The following BRD7 variants were observed in gnomAD, a reference collection of about 807,000 sequenced individuals.
BRD7 encodes bromodomain containing 7.
BRD7 carries 15 observed loss-of-function variants against 82.1 expected under a neutral mutation model. That is an observed-to-expected ratio of 0.18 (90% CI 0.12 to 0.28). BRD7 has a LOEUF of 0.28. Among genes scored for constraint, BRD7 ranks in the 10% least tolerant of loss-of-function variants. BRD7 has a pLI of 1.00. For synonymous variants in BRD7, 232 were observed against 266.9 expected (o/e 0.87, Z 1.27); for missense variants, 638 against 779.9 (o/e 0.82, Z 2.17).
intron 11 of BRD7, among the ~76,000 whole-genome samples, chr16:50,325,146 G>A (rs1243162871): frequency 6.6e-6 from 1 of 152,196 alleles, no homozygotes; most frequent in Non-Finnish European, 1.5e-5. Flanking sequence ...GTCCCATCCT[G>A]AGCCAGAATC....
At chr16:50,368,624 TG>T in intron 1 of BRD7, 101 bp downstream of exon 1, 1 of 1,030,114 alleles carries the variant, frequency 9.7e-7, no homozygotes, top group Non-Finnish European at 1.3e-6. Flanking sequence ...GGGCCTGCCG[TG>T]GGAAGGAAGG....
At position 50,323,569 on chromosome 16, in the gene BRD7, C is replaced by A; in HGVS notation, c.1443+18G>T. ...AGTCGATAATAAATTACCCTGTTTT[C>A]ATTAGCAGTGTTCTTACCATCTCCA... is the stretch of plus-strand genomic sequence containing the variant. On this transcript the variant is annotated intron_variant, in intron 12 of 16. Transcript: ENST00000394688. 6.6e-7 allele frequency: 1 copy of A among 1,519,410 alleles called. No individual in the cohort carries two copies. Among genetic ancestry groups the A allele is most frequent in the South Asian group, 1.1e-5 (1 of 89,046 alleles). The allele number at this position is 1,519,410 out of a possible 1,614,324, so 94.1% of individuals were successfully genotyped here.
At chr16:50,324,395 A>G (rs2037247593) in intron 11 of BRD7, among the ~76,000 whole-genome samples, 2 of 152,038 alleles carry the variant, frequency 1.3e-5, no homozygotes, top group African/African-American at 4.8e-5. Context: ...TGATCCTTTA[A>G]ACATCATAAT....
chr16:50,319,075 T>G lies in BRD7; in HGVS notation c.*136A>C. 1 of 854,224 alleles carries G rather than the reference T, an allele frequency of 1.2e-6. No homozygotes were observed. The highest frequency in any genetic ancestry group is 1.8e-6 in the Non-Finnish European group (1 of 553,658). 52.9% of individuals were successfully genotyped at this position (854,224 alleles called of 1,614,324 possible). A position where few individuals can be genotyped will look rare whatever the true frequency, so the allele number is the denominator to read the frequency against. On this transcript the variant is annotated 3_prime_UTR_variant, in exon 17 of 17. Transcript: ENST00000394688. ...TTTATTACCTAATACAAGTCCAACCTCTGGAACATCCAAATTCGCTGTTCC... is the reference window on the plus strand; with the variant it reads ...TTTATTACCTAATACAAGTCCAACCGCTGGAACATCCAAATTCGCTGTTCC...
chr16:50,342,139 T>C (rs1463838482), intron 5 of BRD7, among the ~76,000 whole-genome samples: 2 of 152,078 alleles, frequency 1.3e-5, no homozygotes, highest in East Asian at 3.9e-4. Context: ...TCTACTCTTC[T>C]TACTGTAAGA....
chr16:50,351,737 G>C (rs1325858768), intron 4 of BRD7, among the ~76,000 whole-genome samples: 1 of 152,052 alleles, frequency 6.6e-6, no homozygotes, highest in Non-Finnish European at 1.5e-5. Flanking sequence ...GTTTCTAATT[G>C]ACATATAATA....
Position 50,318,050 on chromosome 16 carries a change from T to G in BRD7, c.*1161A>C, listed in dbSNP as rs2036895669. On this transcript the variant is annotated 3_prime_UTR_variant, in exon 17 of 17. Coordinates refer to ENST00000394688, the MANE Select transcript of BRD7 (RefSeq NM_013263.5). ...ATGAATATTTATAGATCTGTAACAT[T>G]TGTTTCAAAATGCTGTTTCATTTTT... The G allele has an allele frequency of 1.3e-5, 2 of 152,366 alleles. No individual in the cohort carries two copies. Among genetic ancestry groups the G allele is most frequent in the Admixed American group, 1.3e-4 (2 of 15,280 alleles). The allele number at this position is 152,366 out of a possible 1,614,324, so 9.4% of individuals were successfully genotyped here.
chr16:50,349,521 G>T (rs1476994196), intron 5 of BRD7: 3 of 468,350 alleles, frequency 6.4e-6, no homozygotes, highest in African/African-American at 2.0e-5. Flanking sequence ...CAGTACGATT[G>T]TAAGTTTCCT....
chr16:50,321,571 A>G, intron 13 of BRD7, among the ~76,000 whole-genome samples: 1 of 89,650 alleles, frequency 1.1e-5, no homozygotes, highest in Non-Finnish European at 2.2e-5. Context: ...CATCTCAAAA[A>G]AAAAAAAAAA....
intron 5 of BRD7, among the ~76,000 whole-genome samples, chr16:50,342,819 T>C (rs2038124511): frequency 6.6e-6 from 1 of 152,194 alleles, no homozygotes; most frequent in African/African-American, 2.4e-5. Context: ...ACTGTGGTTA[T>C]GTAAAACAAA....
intron 4 of BRD7, among the ~76,000 whole-genome samples, chr16:50,350,542 T>C (rs1249199229): frequency 6.6e-6 from 1 of 152,192 alleles, no homozygotes; most frequent in Non-Finnish European, 1.5e-5. Flanking sequence ...GCTAAAATAG[T>C]AACTATGAAC....
In BRD7 at chr16:50,356,739, T is replaced by TACACAC. The variant is rs749145071; in HGVS notation, c.259-1823_259-1818dup. ...GAAAAAAAAAATATATATATATATA[T>TACACAC]ACACACACACACACACATATATATA... On this transcript the variant is annotated intron_variant, in intron 2 of 16. Coordinates refer to ENST00000394688, the MANE Select transcript of BRD7 (RefSeq NM_013263.5). Among the ~76,000 whole-genome samples, 6 of 148,692 alleles carry TACACAC rather than the reference T, an allele frequency of 4.0e-5. No homozygotes were observed. In the East Asian group the frequency reaches 5.9e-4, roughly 15 times the overall value.
chr16:50,354,046 C>T (rs1196957752), intron 4 of BRD7, among the ~76,000 whole-genome samples: 2 of 151,934 alleles, frequency 1.3e-5, no homozygotes, highest in Non-Finnish European at 2.9e-5. Context: ...ATTTTTTCTC[C>T]CATACTTAAT....
intron 16 of BRD7, 55 bp from the exon 17 acceptor site, chr16:50,319,321 AG>A (rs2151126171): frequency 6.5e-7 from 1 of 1,549,938 alleles, no homozygotes; most frequent in African/African-American, 1.4e-5. Flanking sequence ...TTAATTAAAA[AG>A]GGGACATGAA....
rs1264989613 is a variant in BRD7, at chr16:50,354,389, A to G, written c.446+36T>C. On this transcript the variant is annotated intron_variant, in intron 4 of 16. Transcript: ENST00000394688. ...TGGATCCTACACATCTACCATTTTA[A>G]TTTCTATGTTATAAAAATATTGGAA... The G allele has an allele frequency of 4.5e-6, 7 of 1,550,822 alleles. No individual in the cohort carries two copies. In the Admixed American group the frequency reaches 5.2e-5, roughly 11 times the overall value.
intron 4 of BRD7, among the ~76,000 whole-genome samples, chr16:50,352,407 T>C (rs138928283): frequency 6.6e-6 from 1 of 152,362 alleles, no homozygotes; most frequent in Non-Finnish European, 1.5e-5. Flanking sequence ...TAATACTCCA[T>C]TGTGTATACA....
intron 2 of BRD7, among the ~76,000 whole-genome samples, chr16:50,363,203 C>A (rs2038995987): frequency 6.6e-6 from 1 of 152,112 alleles, no homozygotes; most frequent in South Asian, 2.1e-4. Context: ...AGAATTTTAC[C>A]TATTGCATCT....
chr16:50,334,649 AT>A, intron 7 of BRD7, 61 bp downstream of exon 7: 1 of 1,567,738 alleles, frequency 6.4e-7, no homozygotes. Flanking sequence ...CCGAATAAGT[AT>A]TTTTCCCCCT....
In BRD7 at chr16:50,322,403, A is replaced by G. The variant is rs186691212; in HGVS notation, c.1444-365T>C. Among the ~76,000 whole-genome samples the G allele has an allele frequency of 2.4e-4, 36 of 152,378 alleles. 1 individual carries two copies. In the East Asian group the frequency reaches 6.5e-3, roughly 28 times the overall value. On this transcript the variant is annotated intron_variant, in intron 12 of 16. Transcript: ENST00000394688. ...GGGATTACTGTGCATGAACACAGCAATATTCTCAGATAGCAGAGGATTACT... is the reference window on the plus strand; with the variant it reads ...GGGATTACTGTGCATGAACACAGCAGTATTCTCAGATAGCAGAGGATTACT...
Sources: gnomAD v4.1 joint callset for allele counts (sites outside exome capture counted in the v4.1 genomes callset) on GRCh38, gnomAD v4.1.1 for gene constraint, MANE v1.5 for transcripts, NCBI Gene and HGNC (gene_info 2026-07-23, HGNC 2026-07-21) for gene names.